The following FAM149A variants were observed in gnomAD, a reference collection of about 807,000 sequenced individuals.
The protein encoded by FAM149A is protein FAM149A.
FAM149A carries 71 observed loss-of-function variants against 78.2 expected under a neutral mutation model. The observed-to-expected ratio is 0.91, with a 90% CI of 0.75 to 1.11. The LOEUF (loss-of-function observed/expected upper bound fraction) is 1.11, where lower values mean the gene tolerates loss of function less well. FAM149A is among the 50% of genes least tolerant of loss of function. The probability of loss-of-function intolerance (pLI) is 0.00; values close to 1 mark genes in which losing one functional copy is unlikely to be tolerated. For synonymous variants in FAM149A, 446 were observed against 410.5 expected, an observed-to-expected ratio of 1.09 and a Z score of -1.04; for missense variants, 1,036 against 971.0, an observed-to-expected ratio of 1.07 and a Z score of -0.89.
chr4:186,162,810 CT>C (rs56973296), intron 8 of FAM149A, 34 bp from the exon 9 acceptor site: 130,411 of 555,528 alleles, frequency 0.23, 8,039 homozygotes, highest in Non-Finnish European at 0.27. Context: ...ATTTGTAATT[CT>C]TTTTTTTTTT....
chr4:186,167,684 A>ATAAATAGGTATTAC, intron 13 of FAM149A: 1 of 291,496 alleles, frequency 3.4e-6, no homozygotes, highest in South Asian at 3.4e-5. Flanking sequence ...TTTATAACAC[A>ATAAATAGGTATTAC]AGGTTTTACA....
At chr4:186,132,183 C>A (rs1046871044) in intron 1 of FAM149A, 6 of 985,336 alleles carry the variant, frequency 6.1e-6, no homozygotes, top group East Asian at 2.3e-4. Context: ...TAATGAAGGG[C>A]AGATTTTTAA....
intron 4 of FAM149A, among the ~76,000 whole-genome samples, chr4:186,152,352 GA>G (rs1733648453): frequency 2.6e-5 from 4 of 152,252 alleles, no homozygotes; most frequent in African/African-American, 9.6e-5. Context: ...CACTGTGTGT[GA>G]GCAGCACATG....
intron 1 of FAM149A, among the ~76,000 whole-genome samples, chr4:186,113,957 T>G (rs1428290525): frequency 2.0e-5 from 3 of 151,448 alleles, no homozygotes; most frequent in Non-Finnish European, 4.4e-5. Flanking sequence ...CTTGTTGACT[T>G]TCTGTCTCGT....
chr4:186,160,445 CCACACAAACACACCA>C (rs1215677150), intron 8 of FAM149A, among the ~76,000 whole-genome samples: 1 of 145,226 alleles, frequency 6.9e-6, no homozygotes, highest in African/African-American at 2.6e-5. Flanking sequence ...AACATATATC[CCACACAAACACACCA>C]CACACCATAC....
At chr4:186,160,555 T>TGCACACATACCACACAC (rs1734504428) in intron 8 of FAM149A, among the ~76,000 whole-genome samples, 1 of 126,422 alleles carries the variant, frequency 7.9e-6, no homozygotes, top group South Asian at 2.6e-4. Context: ...ACCCCACACA[T>TGCACACATACCACACAC]GCACACATAC....
intron 1 of FAM149A, among the ~76,000 whole-genome samples, chr4:186,113,182 C>T (rs1466558908): frequency 5.0e-5 from 1 of 19,922 alleles, no homozygotes; most frequent in East Asian, 2.5e-3. Context: ...AGTTTATTTG[C>T]GTAGAGGTGT....
intron 1 of FAM149A, among the ~76,000 whole-genome samples, chr4:186,132,407 A>T (rs927721659): frequency 6.6e-6 from 1 of 152,238 alleles, no homozygotes; most frequent in African/African-American, 2.4e-5. Context: ...GATTGTTGCA[A>T]AGTTGGTGTT....
At chr4:186,149,572 C>T in intron 2 of FAM149A, 1 of 1,289,836 alleles carries the variant, frequency 7.8e-7, no homozygotes, top group Non-Finnish European at 1.0e-6. Context: ...GCAGCAAATC[C>T]TTGTCATCCT....
chr4:186,137,456 G>A (rs1025695525), intron 1 of FAM149A, among the ~76,000 whole-genome samples: 1 of 152,064 alleles, frequency 6.6e-6, no homozygotes, highest in Non-Finnish European at 1.5e-5. Context: ...TGTCGGCTGT[G>A]CGTACCACCT....
intron 1 of FAM149A, among the ~76,000 whole-genome samples, chr4:186,117,274 TTTAA>T (rs1448593009): frequency 2.0e-5 from 3 of 152,262 alleles, no homozygotes; most frequent in African/African-American, 7.2e-5. Flanking sequence ...TAATGTATTC[TTTAA>T]TTAATTGTCA....
rs1260896406 is a variant in FAM149A, at chr4:186,153,740, G to T, written c.1028G>T (p.Ser343Ile). The T allele has an allele frequency of 1.2e-6, 2 of 1,612,576 alleles. No individual in the cohort carries two copies. The highest frequency in any genetic ancestry group is 1.1e-5 in the South Asian group (1 of 91,004). The change falls in exon 5 of 14, where the codon AGT (serine) becomes ATT (isoleucine). Residue 343 changes from serine to isoleucine, a missense_variant. By Grantham distance (142) the Ser-to-Ile change is moderately radical (BLOSUM62 -2). This residue lies in a region of FAM149A where 716 missense variants were observed against 711.8 expected (regional missense o/e 1.01). Transcript: ENST00000389354. ...TCCGCAGTCCACAGACCCCCGCTCA[G>T]TGCCTGCGGACACAGCAGCAACATC...
Position 186,105,484 on chromosome 4 carries a change from C to G in FAM149A, c.408C>G (p.Val136=). 8.3e-7 allele frequency: 1 copy of G among 1,204,472 alleles called. No individual in the cohort carries two copies. Among genetic ancestry groups the G allele is most frequent in the Non-Finnish European group, 1.0e-6 (1 of 954,262 alleles). The allele number at this position is 1,204,472 out of a possible 1,614,324, so 74.6% of individuals were successfully genotyped here. The change falls in exon 1 of 14, where the codon GTC becomes GTG. Residue 136 remains valine, a synonymous_variant. Coordinates refer to ENST00000389354, the MANE Select transcript of FAM149A (RefSeq NM_001367768.3). ...GGCCGCCCTCGGGCCCCGGCGGGGT[C>G]TGGGCCGCGCTCCCCAGGAACCCGC...
Position 186,172,096 on chromosome 4 carries a change from A to G in FAM149A, c.*109A>G. Reference sequence around the variant, plus strand: ...TTATCTGTGTGTCTGACAGTGTGAGATGTTAGACCGAGAGAAAAGCAAACA... The same window carrying G: ...TTATCTGTGTGTCTGACAGTGTGAGGTGTTAGACCGAGAGAAAAGCAAACA... On this transcript the variant is annotated 3_prime_UTR_variant, in exon 14 of 14. Transcript: ENST00000389354. 6.9e-7 allele frequency: 1 copy of G among 1,454,102 alleles called. No homozygotes were observed. Among genetic ancestry groups the G allele is most frequent in the Admixed American group, 2.5e-5 (1 of 39,434 alleles). The allele number at this position is 1,454,102 out of a possible 1,614,324, so 90.1% of individuals were successfully genotyped here.
chr4:186,165,444 C>T lies in FAM149A; in HGVS notation c.1990C>T (p.Pro664Ser), dbSNP rs142852013. 2.0e-5 allele frequency: 32 copies of T among 1,614,062 alleles called. No homozygotes were observed. The African/African-American group carries it at 3.6e-4, about 18-fold the overall frequency. The change falls in exon 11 of 14, where the codon CCT becomes TCT. Residue 664 changes from proline (P) to serine (S), a missense_variant. By Grantham distance (74) the Pro-to-Ser change is moderately conservative. Coordinates refer to ENST00000389354, the MANE Select transcript of FAM149A (RefSeq NM_001367768.3). ...GACCAGGGGGCAGAATACAGCAGTT[C>T]CTGGATGCCGCCTTGTTTCTGTAAG...
rs960865580 is a variant in FAM149A at position 186,105,355 on chromosome 4, C to T, written c.279C>T (p.Thr93=). The change falls in exon 1 of 14, where the codon ACC becomes ACT. Residue 93 remains threonine, a synonymous_variant. Coordinates refer to ENST00000389354, the MANE Select transcript of FAM149A (RefSeq NM_001367768.3). The stretch of plus-strand genomic sequence containing the variant: ...GCCGCGCCGCGGGAGCAGTGGGGAC[C>T]CTGCTCTCTTGGCCCAGTAGCCCTA... 1.7e-6 allele frequency: 2 copies of T among 1,182,516 alleles called. No individual in the cohort carries two copies. Among genetic ancestry groups the T allele is most frequent in the African/African-American group, 3.4e-5 (2 of 59,358 alleles). The allele number at this position is 1,182,516 out of a possible 1,614,324, so 73.3% of individuals were successfully genotyped here.
intron 1 of FAM149A, among the ~76,000 whole-genome samples, chr4:186,137,500 C>G (rs539657327): frequency 3.3e-4 from 50 of 152,188 alleles, no homozygotes; most frequent in African/African-American, 1.2e-3. Flanking sequence ...CTGATTGAGA[C>G]AGGATTCCCT....
chr4:186,122,667 AT>A (rs1173799260), intron 1 of FAM149A: 1 of 165,242 alleles, frequency 6.1e-6, no homozygotes, highest in Non-Finnish European at 1.3e-5. Context: ...TTTTAAAAAA[AT>A]GTTATAGTAA....
At chr4:186,128,460 C>T (rs1473838495) in intron 1 of FAM149A, among the ~76,000 whole-genome samples, 1 of 151,146 alleles carries the variant, frequency 6.6e-6, no homozygotes, top group African/African-American at 2.4e-5. Flanking sequence ...GGGAGCCACT[C>T]AGCTAAATAT....
Sources: gnomAD v4.1 joint callset for allele counts (sites outside exome capture counted in the v4.1 genomes callset) on GRCh38, gnomAD v4.1.1 for gene constraint, gnomAD v4.1.1 regional missense constraint, MANE v1.5 for transcripts, NCBI Gene and HGNC (gene_info 2026-07-23, HGNC 2026-07-21) for gene names.